Variants in HAPSTR1 observed in about 807,000 individuals in gnomAD.
The protein encoded by HAPSTR1 is HUWE1 associated protein modifying stress responses, also known as HUWE1-associated protein modifying stress responses 1.
the HAPSTR1 span, chr16:9,108,194 C>G: frequency 6.6e-6 from 1 of 152,108 alleles, no homozygotes; most frequent in African/African-American, 2.4e-5. Flanking sequence ...AATCCTCACA[C>G]CTACCCTGGG....
chr16:9,091,659 G>T, the HAPSTR1 span: 1 of 398,304 alleles, frequency 2.5e-6, no homozygotes, highest in South Asian at 1.3e-4. Context: ...GTCTTGGGGT[G>T]GGCTCCGCGG....
At chr16:9,111,842 C>T in the HAPSTR1 span, 5 of 152,004 alleles carry the variant, frequency 3.3e-5, no homozygotes, top group African/African-American at 1.2e-4. Flanking sequence ...GCATTTTCTT[C>T]TAGTCTTTTT....
At chr16:9,103,250 G>A in the HAPSTR1 span, 2 of 1,613,006 alleles carry the variant, frequency 1.2e-6, no homozygotes, top group South Asian at 1.1e-5. Flanking sequence ...GGAAGCCATA[G>A]CTCTGCATGG....
the HAPSTR1 span, chr16:9,092,816 C>A: frequency 8.2e-7 from 1 of 1,222,744 alleles, no homozygotes; most frequent in Non-Finnish European, 1.1e-6. Context: ...TATGGCCGTT[C>A]CGGAGTGATT....
chr16:9,116,925 T>G, the HAPSTR1 span: 1 of 1,612,020 alleles, frequency 6.2e-7, no homozygotes, highest in Admixed American at 1.7e-5. Flanking sequence ...TGCAAACATT[T>G]TCACACCCAC....
the HAPSTR1 span, chr16:9,091,904 A>G: frequency 1.7e-6 from 1 of 604,110 alleles, no homozygotes; most frequent in Non-Finnish European, 2.5e-6. Context: ...GGGGTGCAGG[A>G]GGCCTGGGCC....
At chr16:9,092,892 G>GTTTTTTTTTTTTTTTGTT in the HAPSTR1 span, 10 of 1,267,490 alleles carry the variant, frequency 7.9e-6, no homozygotes, top group Admixed American at 4.6e-5. Flanking sequence ...TTTCTTTTTG[G>GTTTTTTTTTTTTTTTGTT]TTTTTTTTTT....
At chr16:9,113,355 G>C in the HAPSTR1 span, among the ~76,000 whole-genome samples, 1 of 152,146 alleles carries the variant, frequency 6.6e-6, no homozygotes, top group Admixed American at 6.5e-5. Context: ...AGTAGAAAAA[G>C]ATGATTTCCC....
chr16:9,094,924 A>T, the HAPSTR1 span, among the ~76,000 whole-genome samples: 6,446 of 152,278 alleles, frequency 0.042, 456 homozygotes, highest in African/African-American at 0.15. Flanking sequence ...GTTAGTGCTA[A>T]CTTTTCGTGT....
chr16:9,097,954 T>C, the HAPSTR1 span, among the ~76,000 whole-genome samples: 1 of 152,186 alleles, frequency 6.6e-6, no homozygotes, highest in Admixed American at 6.5e-5. Flanking sequence ...ACATGGTTGC[T>C]ATCTAAACAA....
the HAPSTR1 span, chr16:9,103,530 G>T: frequency 2.6e-6 from 1 of 383,092 alleles, no homozygotes; most frequent in South Asian, 4.1e-5. Flanking sequence ...AGAATTTATC[G>T]CTTTACACTT....
At chr16:9,093,603 C>T in the HAPSTR1 span, among the ~76,000 whole-genome samples, 1 of 152,148 alleles carries the variant, frequency 6.6e-6, no homozygotes, top group Non-Finnish European at 1.5e-5. Flanking sequence ...GCAATTTGAT[C>T]AAGTGTTTTC....
the HAPSTR1 span, chr16:9,105,872 C>G: frequency 1.3e-5 from 2 of 152,296 alleles, no homozygotes; most frequent in African/African-American, 4.8e-5. Flanking sequence ...CTCTTCATGT[C>G]CTATGTATTT....
the HAPSTR1 span, chr16:9,120,581 TAAAA>T: frequency 6.6e-6 from 1 of 150,680 alleles, no homozygotes; most frequent in African/African-American, 2.4e-5. Flanking sequence ...ATTTAGTGCT[TAAAA>T]AAAAGATTTA....
At chr16:9,117,675 C>T in the HAPSTR1 span, 1 of 152,502 alleles carries the variant, frequency 6.6e-6, no homozygotes, top group African/African-American at 2.4e-5. Context: ...GGGGTACTTT[C>T]CTTATGGTAA....
At chr16:9,094,234 C>T in the HAPSTR1 span, among the ~76,000 whole-genome samples, 1 of 152,026 alleles carries the variant, frequency 6.6e-6, no homozygotes, top group Admixed American at 6.5e-5. Flanking sequence ...AATAATAGTC[C>T]AGTCTTACTG....
chr16:9,093,004 AAAG>A, the HAPSTR1 span: 1 of 1,608,644 alleles, frequency 6.2e-7, no homozygotes, highest in Non-Finnish European at 8.5e-7. Context: ...CTACAAAGGT[AAAG>A]ATAACCTTGC....
the HAPSTR1 span, among the ~76,000 whole-genome samples, chr16:9,093,522 T>TA: frequency 6.6e-6 from 1 of 152,312 alleles, no homozygotes; most frequent in South Asian, 2.1e-4. Flanking sequence ...GCAGTCTATA[T>TA]AGTTTTGAAG....
the HAPSTR1 span, chr16:9,109,404 C>CT: frequency 1.3e-5 from 2 of 152,232 alleles, no homozygotes; most frequent in East Asian, 3.8e-4. Context: ...CAAAGCCCCA[C>CT]TTTCACTCGT....
Sources: gnomAD v4.1 joint callset for allele counts (sites outside exome capture counted in the v4.1 genomes callset) on GRCh38, gnomAD v4.1.1 for gene constraint, MANE v1.5 for transcripts, NCBI Gene and HGNC (gene_info 2026-07-23, HGNC 2026-07-21) for gene names.